RTN3: variants seen among roughly 807,000 people sequenced by gnomAD.
RTN3 encodes reticulon 3, also known as reticulon-3.
In RTN3, 49 loss-of-function variants were observed where a neutral mutation model predicts 77.8. That is an observed-to-expected ratio of 0.63 (90% CI 0.50 to 0.80). The LOEUF is 0.80. Among genes scored for constraint, RTN3 ranks in the 30% least tolerant of loss-of-function variants. The pLI is 0.00. For synonymous variants in RTN3, 464 were observed against 446.9 expected, an observed-to-expected ratio of 1.04 and a Z score of -0.48; for missense variants, 1,236 against 1,211.9, an observed-to-expected ratio of 1.02 and a Z score of -0.29.
chr11:63,704,843 T>G lies in RTN3; in HGVS notation c.143-8T>G. On this transcript the variant is annotated splice_region_variant and splice_polypyrimidine_tract_variant and intron_variant, in intron 1 of 8. Transcript: ENST00000377819. Reference sequence around the variant, plus strand: ...TGTCATATTCTCATGCTGTATATTTTCTTTCAGATTCCTTTGTTTCTTCCT... The same window carrying G: ...TGTCATATTCTCATGCTGTATATTTGCTTTCAGATTCCTTTGTTTCTTCCT... The G allele has an allele frequency of 6.2e-7, 1 of 1,601,598 alleles. No individual in the cohort carries two copies. The highest frequency in any genetic ancestry group is 8.6e-7 in the Non-Finnish European group (1 of 1,168,934).
chr11:63,681,617 C>T lies in RTN3; in HGVS notation c.-20C>T. The T allele has an allele frequency of 6.3e-7, 1 of 1,577,684 alleles. No homozygotes were observed. The highest frequency in any genetic ancestry group is 8.6e-7 in the Non-Finnish European group (1 of 1,160,318). On this transcript the variant is annotated 5_prime_UTR_variant, in exon 1 of 9. Transcript: ENST00000377819. ...CCCCGTATCTCTTTTCACCCTTCTC[C>T]CACCCTCGCTCGCGTAGCCATGGCG...
In RTN3 at chr11:63,681,727, C is replaced by T. The variant is rs532671990; in HGVS notation, c.91C>T (p.Pro31Ser). The part of the protein sequence containing the change: ...EPSAPGGGGS[P>S]GACPALGTKS... ...GTCCGCGCCCGGCGGCGGCGGGAGC[C>T]CAGGAGCCTGCCCCGCCCTGGGGAC... Residue 31 changes from proline (P) to serine (S), a missense_variant, in exon 1 of 9, where the codon CCA (proline) becomes TCA (serine). Transcript: ENST00000377819. 1 of 1,609,668 alleles carries T rather than the reference C, an allele frequency of 6.2e-7. No individual in the cohort carries two copies. The highest frequency in any genetic ancestry group is 2.2e-5 in the East Asian group (1 of 44,746).
chr11:63,706,277 T>TC (rs1942491480), intron 2 of RTN3, among the ~76,000 whole-genome samples: 2 of 152,072 alleles, frequency 1.3e-5, no homozygotes, highest in South Asian at 2.1e-4. Flanking sequence ...GCAGCCTCAA[T>TC]CTCCTGGGTT....
At chr11:63,730,295 A>G (rs2012599413) in intron 3 of RTN3, among the ~76,000 whole-genome samples, 1 of 152,202 alleles carries the variant, frequency 6.6e-6, no homozygotes, top group Non-Finnish European at 1.5e-5. Context: ...ATAAAGACAC[A>G]GGTTGAAAGT....
rs944772470 is a variant in RTN3 at position 63,682,842 on chromosome 11, G to GA, written c.142+1073dup. On this transcript the variant is annotated intron_variant, in intron 1 of 8. Coordinates refer to ENST00000377819, the MANE Select transcript of RTN3 (RefSeq NM_001265589.2). ...CAGTGCAGATGCCTTCTTAAGGGGGGAAAAAAAAACCACCATGGGCAGGTG... is the reference window on the plus strand; with the variant it reads ...CAGTGCAGATGCCTTCTTAAGGGGGGAAAAAAAAAACCACCATGGGCAGGTG... Among the ~76,000 whole-genome samples the GA allele has an allele frequency of 2.3e-4, 34 of 149,958 alleles. No homozygotes were observed. In the South Asian group the frequency reaches 3.2e-3, roughly 14 times the overall value.
chr11:63,738,419 T>G (rs1464747706), intron 3 of RTN3, among the ~76,000 whole-genome samples: 1 of 152,082 alleles, frequency 6.6e-6, no homozygotes, highest in African/African-American at 2.4e-5. Flanking sequence ...GAGGGCAGAT[T>G]GCTTGAGCCC....
At chr11:63,711,180 T>C (rs1033351161) in intron 2 of RTN3, among the ~76,000 whole-genome samples, 1 of 151,900 alleles carries the variant, frequency 6.6e-6, no homozygotes, top group African/African-American at 2.4e-5. Context: ...CTCAGGAGGC[T>C]GGGGCATGAG....
chr11:63,710,600 A>G (rs2011136653), intron 2 of RTN3, among the ~76,000 whole-genome samples: 1 of 152,162 alleles, frequency 6.6e-6, no homozygotes, highest in African/African-American at 2.4e-5. Context: ...GTGCAAGCCC[A>G]TCTATGTGAG....
At chr11:63,717,008 TAAA>T (rs1476272307) in intron 2 of RTN3, among the ~76,000 whole-genome samples, 1 of 148,254 alleles carries the variant, frequency 6.7e-6, no homozygotes, top group Non-Finnish European at 1.5e-5. Flanking sequence ...AAAGAAAGTT[TAAA>T]AATTAGCCAG....
Position 63,719,582 on chromosome 11 carries a change from A to G in RTN3, c.1080A>G (p.Thr360=). The G allele has an allele frequency of 6.2e-7, 1 of 1,614,110 alleles. No homozygotes were observed. The highest frequency in any genetic ancestry group is 8.5e-7 in the Non-Finnish European group (1 of 1,180,016). Residue 360 remains threonine (T), a synonymous_variant, in exon 3 of 9, where the codon ACA becomes ACG. Coordinates refer to ENST00000377819, the MANE Select transcript of RTN3 (RefSeq NM_001265589.2). ...QQTDKSSDCI[T]KTTGLDMSEY... ...CCGATAAATCTTCTGACTGCATCAC[A>G]AAAACTACAGGACTTGACATGAGTG...
At chr11:63,693,266 C>A (rs1941759861) in intron 1 of RTN3, among the ~76,000 whole-genome samples, 1 of 151,958 alleles carries the variant, frequency 6.6e-6, no homozygotes, top group Non-Finnish European at 1.5e-5. Flanking sequence ...AGCGGATCAC[C>A]TGAGGTCAGG....
At chr11:63,731,478 G>C (rs1189531544) in intron 3 of RTN3, among the ~76,000 whole-genome samples, 1 of 151,878 alleles carries the variant, frequency 6.6e-6, no homozygotes, top group African/African-American at 2.4e-5. Flanking sequence ...ACAACATCTA[G>C]GAAAATTCCC....
chr11:63,706,746 G>A (rs1767456777), intron 2 of RTN3, among the ~76,000 whole-genome samples: 1 of 151,770 alleles, frequency 6.6e-6, no homozygotes, highest in Non-Finnish European at 1.5e-5. Flanking sequence ...TTTCTCATGA[G>A]AAAATAATTT....
At chr11:63,728,108 C>A (rs951082173) in intron 3 of RTN3, among the ~76,000 whole-genome samples, 1 of 152,160 alleles carries the variant, frequency 6.6e-6, no homozygotes, top group African/African-American at 2.4e-5. Context: ...GGAAAAGACA[C>A]ACGGGATAAA....
intron 2 of RTN3, among the ~76,000 whole-genome samples, chr11:63,710,835 G>T (rs1009723115): frequency 4.8e-4 from 73 of 152,306 alleles, no homozygotes; most frequent in African/African-American, 1.7e-3. Flanking sequence ...AGAACTAGTA[G>T]TTGCTCTTAA....
In RTN3 at chr11:63,720,593, G is replaced by A; in HGVS notation, c.2091G>A (p.Glu697=). 6.2e-7 allele frequency: 1 copy of A among 1,613,978 alleles called. No individual in the cohort carries two copies. The highest frequency in any genetic ancestry group is 8.5e-7 in the Non-Finnish European group (1 of 1,180,004). ...TPPVEVLHEN[E]SGGSEIKDIG... Reference sequence around the variant, plus strand: ...CTGTAGAAGTCTTACATGAAAATGAGTCCGGTGGTTCTGAAATTAAAGACA... The same window carrying A: ...CTGTAGAAGTCTTACATGAAAATGAATCCGGTGGTTCTGAAATTAAAGACA... Residue 697 remains glutamate, a synonymous_variant, in exon 3 of 9, where the codon GAG becomes GAA. Transcript: ENST00000377819.
intron 1 of RTN3, among the ~76,000 whole-genome samples, 172 bp from the exon 2 acceptor site, chr11:63,704,679 T>C (rs1942411304): frequency 6.6e-6 from 1 of 151,980 alleles, no homozygotes; most frequent in Admixed American, 6.6e-5. Flanking sequence ...TAAAATAAGG[T>C]TTTGCTACCA....
At chr11:63,717,375 C>CTTTTTTTTTTTTTTTTTTT (rs1187530525) in intron 2 of RTN3, among the ~76,000 whole-genome samples, 1 of 75,164 alleles carries the variant, frequency 1.3e-5, no homozygotes, top group Non-Finnish European at 2.6e-5. Flanking sequence ...TTAACTCTGT[C>CTTTTTTTTTTTTTTTTTTT]TTTTTTTTTT....
At chr11:63,742,008 C>T (rs1379900242) in intron 3 of RTN3, among the ~76,000 whole-genome samples, 8 of 144,614 alleles carry the variant, frequency 5.5e-5, no homozygotes, top group South Asian at 2.2e-4. Flanking sequence ...GAGATGGAGT[C>T]TCGCTCTGTT....
Sources: gnomAD v4.1 joint callset for allele counts (sites outside exome capture counted in the v4.1 genomes callset) on GRCh38, gnomAD v4.1.1 for gene constraint, MANE v1.5 for transcripts, NCBI Gene and HGNC (gene_info 2026-07-23, HGNC 2026-07-21) for gene names.